Variants in WAC observed in about 807,000 individuals in gnomAD.
WAC encodes the protein WW domain-containing adapter protein with coiled-coil.
In WAC, 11 loss-of-function variants were observed where a neutral mutation model predicts 79.6. The observed-to-expected ratio is 0.14, with a 90% confidence interval of 0.09 to 0.23. The LOEUF is 0.23. Ranked by LOEUF, WAC falls within the 10% of genes least tolerant of loss-of-function variation. WAC has a pLI of 1.00. For missense variants in WAC, 728 were observed against 773.5 expected (o/e 0.94, Z 0.70); for synonymous variants, 304 against 276.9 (o/e 1.10, Z -0.97).
Position 28,622,766 on chromosome 10 carries a change from AAC to A in WAC, c.*3162_*3163del, listed in dbSNP as rs1841737745. ...CCAGGAATTGTTACCCATTTCCAAA[AAC>A]AGTTTATTATGTTCAAAAACCACCA... On this transcript the variant is annotated 3_prime_UTR_variant, in exon 14 of 14. Coordinates refer to ENST00000354911, the MANE Select transcript of WAC (RefSeq NM_016628.5). 1 of 152,116 alleles carries A rather than the reference AAC, an allele frequency of 6.6e-6. No individual in the cohort carries two copies. Among genetic ancestry groups the A allele is most frequent in the South Asian group, 2.1e-4 (1 of 4,828 alleles). 9.4% of individuals were successfully genotyped at this position (152,116 alleles called of 1,614,324 possible).
rs1564413740 is a variant in WAC, at chr10:28,603,963, A to ATATATATATATATATATATATGTG, written c.920-4202_920-4201insGTGTATATATATATATATATATAT. On this transcript the variant is annotated intron_variant, in intron 7 of 13. Coordinates refer to ENST00000354911, the MANE Select transcript of WAC (RefSeq NM_016628.5). ...AAAAAATATATATATGTATGTATGT[A>ATATATATATATATATATATATGTG]TATATATATATATATATATATATAT... Among the ~76,000 whole-genome samples the ATATATATATATATATATATATGTG allele has an allele frequency of 4.3e-3, 45 of 10,458 alleles. 2 individuals carry two copies. The highest frequency in any genetic ancestry group is 6.5e-3 in the Non-Finnish European group (29 of 4,436). The allele number at this position is 10,458 out of a possible 152,430, so 6.9% of individuals were successfully genotyped here. A position where few individuals can be genotyped will look rare whatever the true frequency, so the allele number is the denominator to read the frequency against.
chr10:28,598,902 A>G (rs1431469653), intron 7 of WAC, among the ~76,000 whole-genome samples: 1 of 152,222 alleles, frequency 6.6e-6, no homozygotes, highest in Non-Finnish European at 1.5e-5. Flanking sequence ...CCATGGAATT[A>G]TCTGTTTTTA....
chr10:28,580,002 AT>A (rs1164144516), intron 3 of WAC, among the ~76,000 whole-genome samples: 3 of 152,164 alleles, frequency 2.0e-5, no homozygotes, highest in Non-Finnish European at 4.4e-5. Context: ...TTTCAGAAAA[AT>A]ATCTTTATCT....
At chr10:28,535,887 A>G in intron 3 of WAC, 130 bp downstream of exon 3, 1 of 714,046 alleles carries the variant, frequency 1.4e-6, no homozygotes, top group East Asian at 3.4e-5. Context: ...TAATCCTATC[A>G]TTTTTTTTTT....
At chr10:28,543,057 G>A (rs913391706) in intron 3 of WAC, among the ~76,000 whole-genome samples, 4 of 152,186 alleles carry the variant, frequency 2.6e-5, no homozygotes, top group Non-Finnish European at 5.9e-5. Context: ...AATTTAAGGG[G>A]AATGAAATTA....
At chr10:28,588,214 T>G (rs1839919765) in intron 4 of WAC, among the ~76,000 whole-genome samples, 1 of 152,154 alleles carries the variant, frequency 6.6e-6, no homozygotes, top group Non-Finnish European at 1.5e-5. Context: ...GAGTAGGTGG[T>G]AGGGAAGAAC....
At chr10:28,579,365 G>C (rs1839413929) in intron 3 of WAC, among the ~76,000 whole-genome samples, 1 of 152,036 alleles carries the variant, frequency 6.6e-6, no homozygotes, top group African/African-American at 2.4e-5. Context: ...TATGCACTCT[G>C]TCTCTCACCA....
At chr10:28,585,706 TC>T (rs1375475051) in intron 4 of WAC, among the ~76,000 whole-genome samples, 3 of 152,120 alleles carry the variant, frequency 2.0e-5, no homozygotes, top group Non-Finnish European at 4.4e-5. Context: ...AACCTAAAGT[TC>T]CACTTGTCAT....
intron 6 of WAC, among the ~76,000 whole-genome samples, chr10:28,593,174 C>A (rs890114982): frequency 6.6e-6 from 1 of 152,054 alleles, no homozygotes; most frequent in African/African-American, 2.4e-5. Flanking sequence ...AGAACCTTAG[C>A]TGTGTTGTTG....
At chr10:28,599,237 G>A (rs983322795) in intron 7 of WAC, among the ~76,000 whole-genome samples, 1 of 152,142 alleles carries the variant, frequency 6.6e-6, no homozygotes, top group African/African-American at 2.4e-5. Context: ...TTTATATTAA[G>A]CGCTGATGGT....
intron 3 of WAC, among the ~76,000 whole-genome samples, chr10:28,547,953 T>C (rs182190322): frequency 2.3e-4 from 34 of 148,632 alleles, no homozygotes; most frequent in Non-Finnish European, 4.6e-4. Flanking sequence ...AGAGTTTCGC[T>C]CTTGTTGCTG....
intron 3 of WAC, among the ~76,000 whole-genome samples, chr10:28,537,108 T>G: frequency 6.6e-6 from 1 of 152,204 alleles, no homozygotes; most frequent in Non-Finnish European, 1.5e-5. Context: ...TGCACTGGGA[T>G]TGAATAATTT....
chr10:28,534,862 C>T (rs372208935), intron 2 of WAC, among the ~76,000 whole-genome samples: 6 of 152,204 alleles, frequency 3.9e-5, no homozygotes, highest in Non-Finnish European at 7.3e-5. Context: ...TTAAACTTTA[C>T]TGAATCTGTC....
Position 28,590,826 on chromosome 10 carries a change from A to T in WAC, c.604A>T (p.Ser202Cys), listed in dbSNP as rs955363438. 1 of 1,605,324 alleles carries T rather than the reference A, an allele frequency of 6.2e-7. No individual in the cohort carries two copies. The highest frequency in any genetic ancestry group is 8.5e-7 in the Non-Finnish European group (1 of 1,176,812). Residue 202 changes from serine (S) to cysteine (C), a missense_variant, in exon 6 of 14, where the codon AGT (serine) becomes TGT (cysteine). Coordinates refer to ENST00000354911, the MANE Select transcript of WAC (RefSeq NM_016628.5). The part of the protein sequence containing the change: ...MQATATSGFA[S>C]GMEDKHSSDA... ...AGCAACAGCCACTAGTGGGTTTGCC[A>T]GTGGAAGTAAGTATTAATTTTTTTT...
chr10:28,573,699 G>T (rs1048758678), intron 3 of WAC, among the ~76,000 whole-genome samples: 2 of 151,944 alleles, frequency 1.3e-5, no homozygotes, highest in African/African-American at 4.8e-5. Context: ...TTTTGGTGGG[G>T]GCGTAAGTTT....
At chr10:28,565,961 G>T (rs1293980051) in intron 3 of WAC, among the ~76,000 whole-genome samples, 1 of 152,120 alleles carries the variant, frequency 6.6e-6, no homozygotes, top group Non-Finnish European at 1.5e-5. Context: ...GAAAGCAGGA[G>T]CACAATCTAG....
intron 3 of WAC, among the ~76,000 whole-genome samples, chr10:28,552,416 C>T (rs1837729189): frequency 6.6e-6 from 1 of 152,150 alleles, no homozygotes; most frequent in Non-Finnish European, 1.5e-5. Flanking sequence ...TTAGATACTA[C>T]TCCTCTTTCT....
chr10:28,604,250 T>A (rs1410264919), intron 7 of WAC, among the ~76,000 whole-genome samples: 1 of 151,332 alleles, frequency 6.6e-6, no homozygotes, highest in Non-Finnish European at 1.5e-5. Flanking sequence ...TTTTTTTTTT[T>A]TTATTGTTTA....
intron 9 of WAC, chr10:28,611,185 T>C: frequency 9.7e-7 from 1 of 1,030,634 alleles, no homozygotes; most frequent in Non-Finnish European, 1.3e-6. Flanking sequence ...AGTTGAAGTT[T>C]GGTTCAGATT....
Sources: allele counts gnomAD v4.1 joint callset (sites outside exome capture counted in the v4.1 genomes callset), GRCh38; gene constraint gnomAD v4.1.1; transcripts MANE v1.5; gene names NCBI Gene and HGNC (gene_info 2026-07-23, HGNC 2026-07-21).